The following UBN1 variants were observed in gnomAD, a reference collection of about 807,000 sequenced individuals.
UBN1 encodes ubinuclein 1.
UBN1 carries 17 observed loss-of-function variants against 108.5 expected under a neutral mutation model. That is an observed-to-expected ratio of 0.16 (90% CI 0.11 to 0.24). The LOEUF is 0.24. Ranked by LOEUF, UBN1 falls within the 10% of genes least tolerant of loss-of-function variation. The pLI, the probability that UBN1 is intolerant of heterozygous loss-of-function variation, is 1.00. For synonymous variants in UBN1, 726 were observed against 564.2 expected (o/e 1.29, Z -4.07); for missense variants, 1,595 against 1,394.4 (o/e 1.14, Z -2.29).
rs539930090 is a variant in UBN1, at chr16:4,874,715, C to T, written c.2305C>T (p.Leu769Phe). 2.0e-5 allele frequency: 33 copies of T among 1,614,140 alleles called. No individual in the cohort carries two copies. In the South Asian group the frequency reaches 3.5e-4, roughly 17 times the overall value. Residue 769 changes from leucine to phenylalanine, a missense_variant, in exon 15 of 18, where the codon CTC becomes TTC. Transcript: ENST00000262376. ...GYKELSCQAP[L>F]NKGLPEVHQS... ...CAAAGAGCTGTCCTGCCAGGCTCCCCTCAATAAGGGCCTGCCAGAAGTACA... is the reference window on the plus strand; with the variant it reads ...CAAAGAGCTGTCCTGCCAGGCTCCCTTCAATAAGGGCCTGCCAGAAGTACA...
chr16:4,866,503 T>A (rs1407071902), intron 7 of UBN1, among the ~76,000 whole-genome samples: 1 of 152,192 alleles, frequency 6.6e-6, no homozygotes, highest in African/African-American at 2.4e-5. Context: ...AAGACTCAGT[T>A]CTATATTTTA....
Position 4,877,314 on chromosome 16 carries a change from T to C in UBN1, c.3266-71T>C. ...CAGGTTATCGGGGGCTTTTGGCTGCTGGAGCTGCTTTCCTGTTCCTGTCTT... is the reference window on the plus strand; with the variant it reads ...CAGGTTATCGGGGGCTTTTGGCTGCCGGAGCTGCTTTCCTGTTCCTGTCTT... On this transcript the variant is annotated intron_variant, in intron 16 of 17. Coordinates refer to ENST00000262376, the MANE Select transcript of UBN1 (RefSeq NM_001079514.3). The surrounding 1 kb of genome is among the most constrained non-coding windows in gnomAD (Gnocchi z 4.3). The C allele has an allele frequency of 3.2e-6, 5 of 1,555,034 alleles. No individual in the cohort carries two copies. The highest frequency in any genetic ancestry group is 4.4e-6 in the Non-Finnish European group (5 of 1,145,632).
intron 2 of UBN1, among the ~76,000 whole-genome samples, chr16:4,855,862 T>C (rs2086785008): frequency 6.6e-6 from 1 of 152,128 alleles, no homozygotes; most frequent in Admixed American, 6.5e-5. Context: ...GAGATTGCAG[T>C]GAGCTGAGAT....
chr16:4,877,642 T>C lies in UBN1; in HGVS notation c.3355+168T>C. The C allele has an allele frequency of 7.5e-7, 1 of 1,338,316 alleles. No homozygotes were observed. Among genetic ancestry groups the C allele is most frequent in the Non-Finnish European group, 9.6e-7 (1 of 1,046,506 alleles). The allele number at this position is 1,338,316 out of a possible 1,614,324, so 82.9% of individuals were successfully genotyped here. A position where few individuals can be genotyped will look rare whatever the true frequency, so the allele number is the denominator to read the frequency against. The stretch of plus-strand genomic sequence containing the variant: ...GTCAGTACTCAGGGTGACACGCACT[T>C]CTACTCTTGGGGTTTCCTCTGGTCC... On this transcript the variant is annotated intron_variant, in intron 17 of 17. Coordinates refer to ENST00000262376, the MANE Select transcript of UBN1 (RefSeq NM_001079514.3). The surrounding 1 kb of genome is among the most constrained non-coding windows in gnomAD (Gnocchi z 4.3).
chr16:4,873,082 G>A lies in UBN1; in HGVS notation c.1800+9G>A. ...CTAAAATCAAGGTGAAGGTGAGTCA[G>A]TTTGCTCGGGTCACATGTCAGCTAT... is the stretch of plus-strand genomic sequence containing the variant. On this transcript the variant is annotated intron_variant, in intron 14 of 17. Transcript: ENST00000262376. 1 of 1,614,208 alleles carries A rather than the reference G, an allele frequency of 6.2e-7. No individual in the cohort carries two copies. The highest frequency in any genetic ancestry group is 8.5e-7 in the Non-Finnish European group (1 of 1,180,036).
At chr16:4,858,922 G>A (rs772895888) in intron 4 of UBN1, 103 bp from the exon 5 acceptor site, 2 of 1,439,114 alleles carry the variant, frequency 1.4e-6, no homozygotes, top group African/African-American at 1.4e-5. Flanking sequence ...GCATGCTCTT[G>A]GAAGTGGCAG....
At chr16:4,861,906 C>T (rs2087083743) in intron 7 of UBN1, among the ~76,000 whole-genome samples, 1 of 152,200 alleles carries the variant, frequency 6.6e-6, no homozygotes, top group African/African-American at 2.4e-5. Context: ...TGCGCCAGTG[C>T]ACTCTAGCCT....
At chr16:4,850,378 G>C (rs985319934) in intron 1 of UBN1, among the ~76,000 whole-genome samples, 3 of 152,336 alleles carry the variant, frequency 2.0e-5, no homozygotes, top group Admixed American at 2.0e-4. Context: ...TGCCTGGACA[G>C]GGGGAGTAGG....
At chr16:4,867,282 A>T (rs952215717) in intron 7 of UBN1, among the ~76,000 whole-genome samples, 15 of 152,238 alleles carry the variant, frequency 9.9e-5, no homozygotes, top group African/African-American at 2.9e-4. Flanking sequence ...TCATCCATCC[A>T]CAGAAGTGCA....
intron 11 of UBN1, 84 bp downstream of exon 11, chr16:4,871,056 G>A: frequency 6.2e-7 from 1 of 1,602,924 alleles, no homozygotes; most frequent in Non-Finnish European, 8.5e-7. Flanking sequence ...CAAAGGTTAG[G>A]CTCATTTACT....
intron 1 of UBN1, among the ~76,000 whole-genome samples, chr16:4,851,097 G>T (rs1190048248): frequency 6.6e-6 from 1 of 152,194 alleles, no homozygotes; most frequent in Non-Finnish European, 1.5e-5. Flanking sequence ...AGGAAGGAAG[G>T]ATTGTTTAGT....
At chr16:4,871,075 G>C in intron 11 of UBN1, 80 bp from the exon 12 acceptor site, 1 of 1,603,570 alleles carries the variant, frequency 6.2e-7, no homozygotes, top group Non-Finnish European at 8.5e-7. Context: ...CTTTCATCAG[G>C]GCTGCTGAAA....
In UBN1 at chr16:4,870,984, C is replaced by G. The variant is rs749019907; in HGVS notation, c.1559+12C>G. On this transcript the variant is annotated intron_variant, in intron 11 of 17. Coordinates refer to ENST00000262376, the MANE Select transcript of UBN1 (RefSeq NM_001079514.3). ...AATGATGAGATCAGGTGTGCCCACA[C>G]TGGGACTTGGCCTCTTTGGAGGGTT... is the stretch of plus-strand genomic sequence containing the variant. 6.2e-7 allele frequency: 1 copy of G among 1,613,862 alleles called. No individual in the cohort carries two copies. The highest frequency in any genetic ancestry group is 8.5e-7 in the Non-Finnish European group (1 of 1,179,852).
chr16:4,860,995 G>A lies in UBN1; in HGVS notation c.1003G>A (p.Gly335Arg). The change falls in exon 7 of 18, where the codon GGA becomes AGA. Residue 335 changes from glycine to arginine, a missense_variant. Around this residue, in one of 3 missense-constraint regions of UBN1, gnomAD observed 1,398 missense variants for 1,194.7 expected, o/e 1.17. Coordinates refer to ENST00000262376, the MANE Select transcript of UBN1 (RefSeq NM_001079514.3). ...EGSPFRDMDD[G>R]SDSLGVGLDQ... ...AAGTCCCTTCCGAGATATGGATGAT[G>A]GAAGTGATTCCCTTGGGGTGGGATT... is the stretch of plus-strand genomic sequence containing the variant. 1 of 1,614,240 alleles carries A rather than the reference G, an allele frequency of 6.2e-7. No homozygotes were observed. The highest frequency in any genetic ancestry group is 8.5e-7 in the Non-Finnish European group (1 of 1,180,048).
Position 4,874,688 on chromosome 16 carries a change from T to C in UBN1, c.2278T>C (p.Tyr760His). ...GGAGAAAAAACCAGAGAGTTCTGGC[T>C]ACAAAGAGCTGTCCTGCCAGGCTCC... ...SQEKKPESSG[Y>H]KELSCQAPLN... The change falls in exon 15 of 18, where the codon TAC becomes CAC. Residue 760 changes from tyrosine to histidine, a missense_variant. Around this residue, in one of 3 missense-constraint regions of UBN1, gnomAD observed 1,398 missense variants for 1,194.7 expected, o/e 1.17. Coordinates refer to ENST00000262376, the MANE Select transcript of UBN1 (RefSeq NM_001079514.3). The C allele has an allele frequency of 1.2e-6, 2 of 1,614,130 alleles. No individual in the cohort carries two copies. The highest frequency in any genetic ancestry group is 1.3e-5 in the African/African-American group (1 of 75,036).
chr16:4,877,084 G>T lies in UBN1; in HGVS notation c.3238G>T (p.Gly1080Trp). ...TGCCATCGTCACAGGCCCTGCCCCC[G>T]GGTCCTTCCACCATGGCCTTGGCCA... ...KDAIVTGPAP[G>W]SFHHGLGHSL... Residue 1080 changes from glycine to tryptophan, a missense_variant, in exon 16 of 18, where the codon GGG (glycine) becomes TGG (tryptophan). Gly to Trp is a radical substitution (Grantham distance 184). Coordinates refer to ENST00000262376, the MANE Select transcript of UBN1 (RefSeq NM_001079514.3). The surrounding 1 kb of genome is among the most constrained non-coding windows in gnomAD (Gnocchi z 4.3). 1 of 1,612,894 alleles carries T rather than the reference G, an allele frequency of 6.2e-7. No homozygotes were observed. Among genetic ancestry groups the T allele is most frequent in the Non-Finnish European group, 8.5e-7 (1 of 1,179,448 alleles).
chr16:4,873,893 G>T (rs994535118), intron 14 of UBN1, among the ~76,000 whole-genome samples: 2 of 152,224 alleles, frequency 1.3e-5, no homozygotes, highest in African/African-American at 4.8e-5. Context: ...AATGCCAGTA[G>T]GCAGAGTATC....
intron 7 of UBN1, among the ~76,000 whole-genome samples, chr16:4,865,552 T>C (rs1227556867): frequency 6.6e-6 from 1 of 152,036 alleles, no homozygotes; most frequent in East Asian, 1.9e-4. Context: ...GCAGCTGTAG[T>C]CCCAGCTGCT....
At chr16:4,873,894 G>C (rs1027402982) in intron 14 of UBN1, among the ~76,000 whole-genome samples, 3 of 152,240 alleles carry the variant, frequency 2.0e-5, no homozygotes, top group African/African-American at 7.2e-5. Context: ...ATGCCAGTAG[G>C]CAGAGTATCT....
Sources: gnomAD v4.1 joint callset for allele counts (sites outside exome capture counted in the v4.1 genomes callset) on GRCh38, gnomAD v4.1.1 for gene constraint, gnomAD v4.1.1 regional missense constraint, Gnocchi (gnomAD v3.1) non-coding constraint, MANE v1.5 for transcripts, NCBI Gene and HGNC (gene_info 2026-07-23, HGNC 2026-07-21) for gene names.